VPS13A: variants seen among roughly 807,000 people sequenced by gnomAD.
VPS13A encodes the protein vacuolar protein sorting 13 homolog A.
In VPS13A, 264 loss-of-function variants were observed where a neutral mutation model predicts 390.9. That is an observed-to-expected ratio of 0.68 (90% confidence interval 0.61 to 0.75). The LOEUF is 0.75. VPS13A is among the 30% of genes least tolerant of loss of function. The pLI is 0.00. For synonymous variants in VPS13A, 1,231 were observed against 1,227.1 expected, an observed-to-expected ratio of 1.00 and a Z score of -0.07; for missense variants, 3,409 against 3,733.9, an observed-to-expected ratio of 0.91 and a Z score of 2.27.
chr9:77,211,397 GTGT>G (rs1451204128), intron 7 of VPS13A: 1 of 152,084 alleles, frequency 6.6e-6, no homozygotes, highest in Non-Finnish European at 1.5e-5. Flanking sequence ...GCACTTTCCA[GTGT>G]TGTTGACATT....
intron 67 of VPS13A, among the ~76,000 whole-genome samples, chr9:77,380,451 A>G (rs1184402303): frequency 6.6e-6 from 1 of 152,036 alleles, no homozygotes; most frequent in Non-Finnish European, 1.5e-5. Context: ...TACTGGGACT[A>G]CATGCACATG....
intron 58 of VPS13A, among the ~76,000 whole-genome samples, chr9:77,360,212 G>A (rs1037731269): frequency 2.0e-5 from 3 of 151,940 alleles, no homozygotes; most frequent in African/African-American, 7.2e-5. Flanking sequence ...GTTGGGACTT[G>A]CTTTTGTTCA....
chr9:77,407,392 C>T, intron 70 of VPS13A, 141 bp from the exon 71 acceptor site: 1 of 621,108 alleles, frequency 1.6e-6, no homozygotes, highest in Non-Finnish European at 2.8e-6. Context: ...CTTCTTGCTT[C>T]CTCATTCTTG....
intron 33 of VPS13A, among the ~76,000 whole-genome samples, chr9:77,296,874 G>A (rs1045272677): frequency 6.6e-5 from 10 of 151,916 alleles, no homozygotes; most frequent in African/African-American, 1.7e-4. Context: ...TTTCTTGAGC[G>A]ATCCTCCCTA....
At chr9:77,309,791 A>G (rs1361792309) in intron 35 of VPS13A, among the ~76,000 whole-genome samples, 1 of 152,112 alleles carries the variant, frequency 6.6e-6, no homozygotes, top group Non-Finnish European at 1.5e-5. Flanking sequence ...CTGAGTTTCC[A>G]GCAGATTGGG....
chr9:77,393,002 A>G (rs760616552), intron 68 of VPS13A, among the ~76,000 whole-genome samples: 4 of 152,152 alleles, frequency 2.6e-5, no homozygotes, highest in East Asian at 3.8e-4. Flanking sequence ...TATCTGTAGT[A>G]TGTGATGCTG....
At chr9:77,377,131 A>G (rs1416620531) in intron 67 of VPS13A, among the ~76,000 whole-genome samples, 5 of 149,662 alleles carry the variant, frequency 3.3e-5, no homozygotes. Flanking sequence ...GCTTTCAATA[A>G]TGTTTTATAG....
At chr9:77,215,354 A>T (rs781021997) in intron 10 of VPS13A, among the ~76,000 whole-genome samples, 4 of 151,908 alleles carry the variant, frequency 2.6e-5, no homozygotes, top group Non-Finnish European at 5.9e-5. Context: ...TTTTGTGCCC[A>T]CTCTTAAAAT....
intron 21 of VPS13A, among the ~76,000 whole-genome samples, chr9:77,251,673 A>C (rs1274893987): frequency 6.6e-6 from 1 of 152,058 alleles, no homozygotes; most frequent in Non-Finnish European, 1.5e-5. Context: ...TATTGTCTAT[A>C]TTATGCTATA....
chr9:77,410,428 C>G (rs1834863549), intron 71 of VPS13A, among the ~76,000 whole-genome samples: 1 of 152,174 alleles, frequency 6.6e-6, no homozygotes, highest in African/African-American at 2.4e-5. Context: ...ATGACAGGAT[C>G]AAATTCACAC....
At chr9:77,295,503 T>G (rs1357319270) in intron 32 of VPS13A, 39 bp from the exon 33 acceptor site, 1 of 1,492,840 alleles carries the variant, frequency 6.7e-7, no homozygotes, top group Admixed American at 2.2e-5. Context: ...AAGTCGTATT[T>G]ATTAATAACC....
intron 68 of VPS13A, among the ~76,000 whole-genome samples, chr9:77,397,943 G>A (rs1834186640): frequency 6.6e-6 from 1 of 152,126 alleles, no homozygotes; most frequent in Non-Finnish European, 1.5e-5. Context: ...ATATAAATGA[G>A]GCTAACATGT....
At chr9:77,358,051 G>A (rs367789577) in intron 56 of VPS13A, among the ~76,000 whole-genome samples, 18 of 149,230 alleles carry the variant, frequency 1.2e-4, no homozygotes, top group African/African-American at 4.5e-4. Context: ...TGCCTCCCAG[G>A]TTCAAGCGAT....
chr9:77,209,083 C>T (rs924066824), intron 5 of VPS13A, among the ~76,000 whole-genome samples: 1 of 152,182 alleles, frequency 6.6e-6, no homozygotes, highest in Non-Finnish European at 1.5e-5. Context: ...TTCTGCTTTG[C>T]TGCTGTTAGT....
At chr9:77,383,103 TTGTGATATTTAA>T in intron 68 of VPS13A, 1 of 890,122 alleles carries the variant, frequency 1.1e-6, no homozygotes, top group Non-Finnish European at 1.3e-6. Context: ...ATTTTAAATA[TTGTGATATTTAA>T]TGTGATCAGA....
chr9:77,292,679 T>G (rs548241988), intron 31 of VPS13A, among the ~76,000 whole-genome samples: 2 of 152,344 alleles, frequency 1.3e-5, no homozygotes, highest in Non-Finnish European at 2.9e-5. Flanking sequence ...TGCTTGCTTC[T>G]AGCATTTAGG....
intron 52 of VPS13A, among the ~76,000 whole-genome samples, chr9:77,345,493 A>G (rs549827442): frequency 6.6e-6 from 1 of 152,138 alleles, no homozygotes; most frequent in South Asian, 2.1e-4. Flanking sequence ...AAATATGTAA[A>G]ATTTCAGATT....
At chr9:77,385,010 CT>C in intron 68 of VPS13A, 1 of 1,039,476 alleles carries the variant, frequency 9.6e-7, no homozygotes, top group Non-Finnish European at 1.2e-6. Context: ...AAATTGCCTT[CT>C]TATTTGTTAG....
At position 77,321,612 on chromosome 9, in the gene VPS13A, T is replaced by C. The variant is rs1829753790; in HGVS notation, c.5696T>C (p.Leu1899Pro). The change falls in exon 44 of 72, where the codon CTC (leucine) becomes CCC (proline). Residue 1899 changes from leucine (L) to proline (P), a missense_variant. This residue lies in a region of VPS13A where 2,717 missense variants were observed against 2,917.4 expected (regional missense o/e 0.93). Transcript: ENST00000360280. ...TCGCCAAGTGATTCTTTTAGTGTACTCAACATTCCTATGGCAAAATCATAT... is the reference window on the plus strand; with the variant it reads ...TCGCCAAGTGATTCTTTTAGTGTACCCAACATTCCTATGGCAAAATCATAT... ...SVSPSDSFSV[L>P]NIPMAKSYVL... is the part of the protein sequence containing the mutation. 1.2e-6 allele frequency: 2 copies of C among 1,613,444 alleles called. No homozygotes were observed. Among genetic ancestry groups the C allele is most frequent in the South Asian group, 1.1e-5 (1 of 91,054 alleles).
Sources: gnomAD v4.1 joint callset for allele counts (sites outside exome capture counted in the v4.1 genomes callset) on GRCh38, gnomAD v4.1.1 for gene constraint, gnomAD v4.1.1 regional missense constraint, MANE v1.5 for transcripts, NCBI Gene and HGNC (gene_info 2026-07-23, HGNC 2026-07-21) for gene names.